Variants in LMO7 observed in about 807,000 individuals in gnomAD.
The protein encoded by LMO7 is LIM domain only protein 7.
LMO7 carries 120 observed loss-of-function variants against 206.5 expected under a neutral mutation model. The observed-to-expected ratio is 0.58, with a 90% CI of 0.50 to 0.68. The LOEUF is 0.68. LMO7 is among the 30% of genes least tolerant of loss of function. LMO7 has a pLI of 0.00. For synonymous variants in LMO7, 706 were observed against 681.5 expected, an observed-to-expected ratio of 1.04 and a Z score of -0.56; for missense variants, 1,959 against 1,957.9, an observed-to-expected ratio of 1.00 and a Z score of -0.01.
chr13:75,854,888 C>T (rs2060794180), intron 28 of LMO7: 1 of 160,724 alleles, frequency 6.2e-6, no homozygotes, highest in Non-Finnish European at 1.4e-5. Flanking sequence ...GGTAGGAGGA[C>T]ATGATCAGCA....
At chr13:75,735,867 G>A (rs988796797) in intron 3 of LMO7, among the ~76,000 whole-genome samples, 6 of 151,810 alleles carry the variant, frequency 4.0e-5, no homozygotes, top group African/African-American at 9.7e-5. Flanking sequence ...TTAATAGTAA[G>A]TTTCAATAGT....
chr13:75,634,983 G>A (rs2035569484), upstream of LMO7, among the ~76,000 whole-genome samples: 1 of 151,100 alleles, frequency 6.6e-6, no homozygotes, highest in Admixed American at 6.6e-5. Flanking sequence ...TCCAGCCTCG[G>A]CAACAGTGAG....
intron 15 of LMO7, 32 bp from the exon 16 acceptor site, chr13:75,833,019 C>G: frequency 7.9e-7 from 1 of 1,273,500 alleles, no homozygotes; most frequent in Non-Finnish European, 1.1e-6. Flanking sequence ...GCCAGGGACA[C>G]CGGATACCAG....
At position 75,856,480 on chromosome 13, in the gene LMO7, G is replaced by A. The variant is rs755859072; in HGVS notation, c.4771-26G>A. ...AGCTTTCTTGAGCTGACTGATTGTAGATGTTCTTTTTTTTTTGTTCCCCAG... is the reference window on the plus strand; with the variant it reads ...AGCTTTCTTGAGCTGACTGATTGTAAATGTTCTTTTTTTTTTGTTCCCCAG... On this transcript the variant is annotated intron_variant, in intron 29 of 30. Transcript: ENST00000377534. The A allele has an allele frequency of 3.5e-6, 5 of 1,417,490 alleles. No individual in the cohort carries two copies. The African/African-American group carries it at 7.1e-5, about 20-fold the overall frequency. 87.8% of individuals were successfully genotyped at this position (1,417,490 alleles called of 1,614,324 possible).
At chr13:75,632,792 T>C (rs1325442527), upstream of LMO7, among the ~76,000 whole-genome samples, 1 of 151,850 alleles carries the variant, frequency 6.6e-6, no homozygotes, top group Admixed American at 6.6e-5. Context: ...GGATTCAGCA[T>C]CTAGAATTTT....
At chr13:75,738,275 A>G (rs1270407093) in intron 3 of LMO7, among the ~76,000 whole-genome samples, 2 of 152,210 alleles carry the variant, frequency 1.3e-5, no homozygotes, top group Non-Finnish European at 2.9e-5. Context: ...TTTTCATCCA[A>G]GTAACCTCAG....
At chr13:75,855,202 A>C in intron 28 of LMO7, 58 bp from the exon 29 acceptor site, 4 of 997,650 alleles carry the variant, frequency 4.0e-6, no homozygotes. Context: ...TGACTTTTAA[A>C]GAAGAATCTT....
chr13:75,734,502 C>T (rs1031725400), intron 3 of LMO7, among the ~76,000 whole-genome samples: 2 of 152,094 alleles, frequency 1.3e-5, no homozygotes, highest in Non-Finnish European at 2.9e-5. Context: ...TTTGACCATT[C>T]ATGTGTTTAC....
At chr13:75,707,672 C>T (rs186102686) in intron 1 of LMO7, among the ~76,000 whole-genome samples, 283 of 152,148 alleles carry the variant, frequency 1.9e-3, no homozygotes, top group South Asian at 4.6e-3. Context: ...CAGTGGTGTA[C>T]AGGGCATGCC....
intron 1 of LMO7, among the ~76,000 whole-genome samples, chr13:75,668,069 G>A (rs369269769): frequency 1.5e-4 from 23 of 152,110 alleles, no homozygotes; most frequent in African/African-American, 5.1e-4. Context: ...TGAGCTGGGC[G>A]TGGTGGTGCA....
chr13:75,707,447 A>G (rs1424761721), intron 1 of LMO7, among the ~76,000 whole-genome samples: 1 of 152,224 alleles, frequency 6.6e-6, no homozygotes, highest in East Asian at 1.9e-4. Context: ...CTATATCATA[A>G]TATAATCAAG....
chr13:75,858,228 T>A lies in LMO7; in HGVS notation c.*285T>A, dbSNP rs2061117215. ...AAAAATAAGAACCTACGAATATTTT[T>A]GAGGCAGATAATGATCTAGTTTGAC... On this transcript the variant is annotated 3_prime_UTR_variant, in exon 31 of 31. Transcript: ENST00000377534. 2 of 340,556 alleles carry A rather than the reference T, an allele frequency of 5.9e-6. No individual in the cohort carries two copies. The highest frequency in any genetic ancestry group is 1.1e-5 in the Non-Finnish European group (2 of 189,140). 21.1% of individuals were successfully genotyped at this position (340,556 alleles called of 1,614,324 possible).
intron 4 of LMO7, among the ~76,000 whole-genome samples, chr13:75,761,282 A>T (rs2048193300): frequency 6.6e-6 from 1 of 152,160 alleles, no homozygotes. Context: ...CAAAAATGGT[A>T]GTGTTAATAT....
chr13:75,758,325 T>G (rs982224315), intron 3 of LMO7, among the ~76,000 whole-genome samples: 5 of 152,184 alleles, frequency 3.3e-5, no homozygotes, highest in African/African-American at 1.2e-4. Flanking sequence ...ATTTTATATA[T>G]ACCCTTAGGG....
intron 1 of LMO7, among the ~76,000 whole-genome samples, chr13:75,644,703 A>G (rs2036859894): frequency 6.6e-6 from 1 of 152,166 alleles, no homozygotes; most frequent in African/African-American, 2.4e-5. Flanking sequence ...ATCATAGCTC[A>G]CTGCAGCCTT....
Position 75,819,386 on chromosome 13 carries a change from C to G in LMO7, c.2065-7C>G, listed in dbSNP as rs758029761. On this transcript the variant is annotated splice_region_variant and splice_polypyrimidine_tract_variant and intron_variant, in intron 12 of 30. Coordinates refer to ENST00000377534, the MANE Select transcript of LMO7 (RefSeq NM_001306080.2). The stretch of plus-strand genomic sequence containing the variant: ...GTGTGCCCCTGCTGATGTGATTTTT[C>G]TGTCAGGACCTTGCAAAATGGAAAG... 1 of 1,587,476 alleles carries G rather than the reference C, an allele frequency of 6.3e-7. No homozygotes were observed. Among genetic ancestry groups the G allele is most frequent in the South Asian group, 1.2e-5 (1 of 85,636 alleles).
chr13:75,656,399 G>T (rs76059296), intron 1 of LMO7, among the ~76,000 whole-genome samples: 1 of 152,092 alleles, frequency 6.6e-6, no homozygotes, highest in African/African-American at 2.4e-5. Context: ...TAATATTATC[G>T]TATTTTTGCC....
intron 2 of LMO7, among the ~76,000 whole-genome samples, chr13:75,725,293 G>A (rs900542300): frequency 1.3e-5 from 2 of 152,192 alleles, no homozygotes; most frequent in South Asian, 4.1e-4. Flanking sequence ...CCTCCTGCCA[G>A]ACTTTCCTGA....
chr13:75,809,925 A>G (rs150475469), intron 11 of LMO7, among the ~76,000 whole-genome samples: 339 of 144,050 alleles, frequency 2.4e-3, no homozygotes, highest in African/African-American at 8.6e-3. Context: ...TCCACCTCCC[A>G]GGTTCAAGCA....
Sources: allele counts gnomAD v4.1 joint callset (sites outside exome capture counted in the v4.1 genomes callset), GRCh38; gene constraint gnomAD v4.1.1; transcripts MANE v1.5; gene names NCBI Gene and HGNC (gene_info 2026-07-23, HGNC 2026-07-21).